The following SDK1 variants were observed in gnomAD, a reference collection of about 807,000 sequenced individuals.
The protein encoded by SDK1 is protein sidekick-1.
In SDK1, 157 loss-of-function variants were observed where a neutral mutation model predicts 245.5. The observed-to-expected ratio is 0.64, with a 90% CI of 0.56 to 0.73. The LOEUF (loss-of-function observed/expected upper bound fraction) is 0.73, where lower values mean the gene tolerates loss of function less well. SDK1 is among the 30% of genes least tolerant of loss of function. The probability of loss-of-function intolerance (pLI) is 0.00; values close to 1 mark genes in which losing one functional copy is unlikely to be tolerated. For synonymous variants in SDK1, 1,647 were observed against 1,278.5 expected (o/e 1.29, Z -6.15); for missense variants, 3,583 against 3,002.3 (o/e 1.19, Z -4.52).
intron 4 of SDK1, among the ~76,000 whole-genome samples, chr7:3,706,518 C>T (rs574136323): frequency 7.2e-5 from 11 of 152,284 alleles, no homozygotes; most frequent in Middle Eastern, 3.4e-3. Context: ...TCTCCTGCCT[C>T]GGCCTCCCAA....
At chr7:3,863,723 C>T (rs1338543998) in intron 5 of SDK1, among the ~76,000 whole-genome samples, 1 of 152,198 alleles carries the variant, frequency 6.6e-6, no homozygotes, top group Non-Finnish European at 1.5e-5. Flanking sequence ...TCACTCAGTG[C>T]AATGTCTTCA....
intron 1 of SDK1, among the ~76,000 whole-genome samples, chr7:3,560,449 A>G (rs1779712500): frequency 6.6e-6 from 1 of 152,034 alleles, no homozygotes; most frequent in South Asian, 2.1e-4. Context: ...ACTTATATCC[A>G]GTGTGTTGGA....
chr7:3,514,466 TGTAGAGAG>T (rs1306113421), intron 1 of SDK1, among the ~76,000 whole-genome samples: 3 of 152,214 alleles, frequency 2.0e-5, no homozygotes, highest in Middle Eastern at 3.2e-3. Flanking sequence ...CTCTCTTAAA[TGTAGAGAG>T]GTAGATAGTC....
intron 1 of SDK1, among the ~76,000 whole-genome samples, chr7:3,616,272 A>G (rs916953489): frequency 2.0e-5 from 3 of 152,196 alleles, no homozygotes; most frequent in African/African-American, 7.2e-5. Context: ...TAGGGTGATC[A>G]CACACGTTGT....
intron 5 of SDK1, among the ~76,000 whole-genome samples, chr7:3,834,561 G>A (rs1779987885): frequency 6.6e-6 from 1 of 152,154 alleles, no homozygotes; most frequent in Non-Finnish European, 1.5e-5. Context: ...AAGGGGGTTG[G>A]GGTAGAACAG....
intron 1 of SDK1, among the ~76,000 whole-genome samples, chr7:3,436,572 G>GA (rs1780028750): frequency 6.6e-6 from 1 of 152,104 alleles, no homozygotes; most frequent in African/African-American, 2.4e-5. Context: ...GATAAAAAAT[G>GA]AAAAATTTTA....
At chr7:3,393,969 G>A (rs1781827084) in intron 1 of SDK1, among the ~76,000 whole-genome samples, 2 of 152,116 alleles carry the variant, frequency 1.3e-5, no homozygotes, top group Non-Finnish European at 2.9e-5. Flanking sequence ...GGGCTTATTT[G>A]TACCCATCCT....
At chr7:4,212,351 G>T (rs1784553526) in intron 38 of SDK1, among the ~76,000 whole-genome samples, 1 of 151,976 alleles carries the variant, frequency 6.6e-6, no homozygotes, top group Admixed American at 6.6e-5. Flanking sequence ...ATAAACCAGA[G>T]CCCAATACTT....
At chr7:3,790,518 C>CT (rs1330686239) in intron 4 of SDK1, among the ~76,000 whole-genome samples, 1 of 152,114 alleles carries the variant, frequency 6.6e-6, no homozygotes, top group African/African-American at 2.4e-5. Flanking sequence ...GTTAAAAAGT[C>CT]TAACAGTCGG....
intron 38 of SDK1, among the ~76,000 whole-genome samples, chr7:4,212,220 C>CAG (rs143015331): frequency 0.035 from 5,279 of 152,194 alleles, 136 homozygotes; most frequent in South Asian, 0.066. Flanking sequence ...TTAGATGAAA[C>CAG]GGAGTTGATT....
intron 1 of SDK1, among the ~76,000 whole-genome samples, chr7:3,493,475 C>T (rs920732502): frequency 3.9e-5 from 6 of 152,152 alleles, no homozygotes; most frequent in Admixed American, 3.3e-4. Context: ...GTGTGCTGTT[C>T]TCACTGCAGA....
At chr7:3,687,296 T>G in intron 4 of SDK1, among the ~76,000 whole-genome samples, 1 of 151,854 alleles carries the variant, frequency 6.6e-6, no homozygotes, top group South Asian at 2.1e-4. Flanking sequence ...ACCCAGCTAA[T>G]TTTTGTATTT....
chr7:3,616,771 A>C (rs978366749), intron 1 of SDK1, among the ~76,000 whole-genome samples: 3 of 152,332 alleles, frequency 2.0e-5, no homozygotes, highest in East Asian at 3.9e-4. Context: ...CAGTTTATAC[A>C]CTATAGTTTA....
At chr7:4,034,793 G>T (rs145690342) in intron 17 of SDK1, among the ~76,000 whole-genome samples, 27 of 152,132 alleles carry the variant, frequency 1.8e-4, no homozygotes, top group Non-Finnish European at 1.2e-4. Flanking sequence ...TTAAGAGACC[G>T]ACTGAGTAGA....
intron 5 of SDK1, among the ~76,000 whole-genome samples, chr7:3,938,788 G>A (rs550610082): frequency 1.3e-5 from 2 of 152,156 alleles, no homozygotes; most frequent in South Asian, 4.1e-4. Flanking sequence ...TTATCAATTT[G>A]TGCTCATCCT....
chr7:3,957,654 A>G (rs1781381724), intron 7 of SDK1, among the ~76,000 whole-genome samples: 1 of 152,216 alleles, frequency 6.6e-6, no homozygotes, highest in East Asian at 1.9e-4. Context: ...GGGCCCTGAC[A>G]GCAGGCAGCT....
At chr7:3,952,081 C>A (rs1277417577) in intron 7 of SDK1, 161 bp downstream of exon 7, 8 of 648,470 alleles carry the variant, frequency 1.2e-5, no homozygotes, top group Admixed American at 3.1e-5. Flanking sequence ...AGCCTTCTTT[C>A]CCAAGAATAT....
chr7:3,552,070 G>C (rs1326377684), intron 1 of SDK1, among the ~76,000 whole-genome samples: 1 of 150,530 alleles, frequency 6.6e-6, no homozygotes, highest in Non-Finnish European at 1.5e-5. Context: ...CCGGAGCCTC[G>C]CTCTGTCGCC....
chr7:3,601,586 T>C (rs1781255723), intron 1 of SDK1, among the ~76,000 whole-genome samples: 1 of 151,992 alleles, frequency 6.6e-6, no homozygotes, highest in African/African-American at 2.4e-5. Context: ...ATTTGTGTCT[T>C]CTCTCTTTTT....
Sources: allele counts gnomAD v4.1 joint callset (sites outside exome capture counted in the v4.1 genomes callset), GRCh38; gene constraint gnomAD v4.1.1; transcripts MANE v1.5; gene names NCBI Gene and HGNC (gene_info 2026-07-23, HGNC 2026-07-21).